Variants in MAP3K13 observed in about 807,000 individuals in gnomAD.
MAP3K13 encodes leucine zipper-bearing kinase.
Under a neutral mutation model 104.0 loss-of-function variants are expected in MAP3K13, and 52 were observed. That is an observed-to-expected ratio of 0.50 (90% CI 0.40 to 0.63). MAP3K13 has a LOEUF of 0.63. Among genes scored for constraint, MAP3K13 ranks in the 20% least tolerant of loss-of-function variants. The probability of loss-of-function intolerance (pLI) is 0.00; values close to 1 mark genes in which losing one functional copy is unlikely to be tolerated. For synonymous variants in MAP3K13, 394 were observed against 442.2 expected (o/e 0.89, Z 1.37); for missense variants, 914 against 1,218.5 (o/e 0.75, Z 3.72).
In MAP3K13 at chr3:185,453,965, A is replaced by G. The variant is rs568074913; in HGVS notation, c.1278+2570A>G. On this transcript the variant is annotated intron_variant, in intron 7 of 13. Transcript: ENST00000265026. ...TATGATACATATATATGAGATATATATGATACATATATATGAGATATATAT... is the reference window on the plus strand; with the variant it reads ...TATGATACATATATATGAGATATATGTGATACATATATATGAGATATATAT... 1.6e-3 allele frequency among the ~76,000 whole-genome samples: 31 copies of G among 19,896 alleles called. 1 individual carries two copies. Among genetic ancestry groups the G allele is most frequent in the African/African-American group, 2.9e-3 (28 of 9,800 alleles). The allele number at this position is 19,896 out of a possible 152,430, so 13.1% of individuals were successfully genotyped here.
chr3:185,437,162 G>A (rs1715085681), intron 2 of MAP3K13, among the ~76,000 whole-genome samples: 1 of 152,116 alleles, frequency 6.6e-6, no homozygotes. Flanking sequence ...CAAGCTTAAG[G>A]TGAGGAGGTA....
chr3:185,376,292 G>A (rs1448014603), intron 1 of MAP3K13, among the ~76,000 whole-genome samples: 1 of 152,198 alleles, frequency 6.6e-6, no homozygotes, highest in Non-Finnish European at 1.5e-5. Context: ...GAAAGTATAT[G>A]TGTCAGGTGT....
chr3:185,312,702 T>C (rs1205484847), intron 2 of MAP3K13, among the ~76,000 whole-genome samples: 1 of 152,198 alleles, frequency 6.6e-6, no homozygotes, highest in Non-Finnish European at 1.5e-5. Flanking sequence ...GATTACATAA[T>C]TATATGCAAA....
intron 2 of MAP3K13, among the ~76,000 whole-genome samples, chr3:185,344,032 A>G (rs1722821877): frequency 1.3e-5 from 2 of 152,230 alleles, no homozygotes; most frequent in Admixed American, 6.5e-5. Context: ...CTACCTTGCT[A>G]TAAGATATGC....
chr3:185,302,461 A>G (rs919321247), intron 2 of MAP3K13, among the ~76,000 whole-genome samples: 42 of 152,260 alleles, frequency 2.8e-4, no homozygotes, highest in African/African-American at 9.1e-4. Flanking sequence ...TCTTCACTCC[A>G]TGAGTATGGG....
intron 2 of MAP3K13, among the ~76,000 whole-genome samples, chr3:185,303,094 A>G (rs1721165144): frequency 6.6e-6 from 1 of 152,140 alleles, no homozygotes; most frequent in South Asian, 2.1e-4. Context: ...AGACGGTCAT[A>G]TGGTTTTTGG....
chr3:185,461,593 G>A (rs768696325), intron 7 of MAP3K13, among the ~76,000 whole-genome samples: 5 of 151,242 alleles, frequency 3.3e-5, no homozygotes, highest in South Asian at 2.1e-4. Flanking sequence ...ATGGAGTTTC[G>A]CTCTTGTTGC....
chr3:185,308,009 C>CTT (rs33949195), intron 2 of MAP3K13, among the ~76,000 whole-genome samples: 4,651 of 31,452 alleles, frequency 0.15, 466 homozygotes, highest in East Asian at 0.28. Flanking sequence ...TCTTTGGGGT[C>CTT]TTTTTTTTTT....
At chr3:185,342,825 G>T (rs916036054) in intron 2 of MAP3K13, among the ~76,000 whole-genome samples, 1 of 152,170 alleles carries the variant, frequency 6.6e-6, no homozygotes, top group African/African-American at 2.4e-5. Context: ...TACTGGGCAT[G>T]GCCTAGCTTT....
intron 12 of MAP3K13, among the ~76,000 whole-genome samples, chr3:185,479,380 G>A (rs984465596): frequency 6.6e-6 from 1 of 152,170 alleles, no homozygotes; most frequent in African/African-American, 2.4e-5. Flanking sequence ...TTTTCTCATG[G>A]TGTGGCCTTA....
intron 7 of MAP3K13, among the ~76,000 whole-genome samples, chr3:185,462,698 G>C (rs1717178907): frequency 6.6e-6 from 1 of 152,148 alleles, no homozygotes; most frequent in Non-Finnish European, 1.5e-5. Context: ...ACTTGAACCC[G>C]GGAGACAGAG....
At chr3:185,348,007 C>T (rs189826274) in intron 2 of MAP3K13, among the ~76,000 whole-genome samples, 2 of 122,666 alleles carry the variant, frequency 1.6e-5, no homozygotes, top group East Asian at 2.3e-4. Context: ...AGCAAAACTC[C>T]GTCTCAAAAA....
chr3:185,321,314 T>G (rs1721860210), intron 2 of MAP3K13, among the ~76,000 whole-genome samples: 1 of 152,212 alleles, frequency 6.6e-6, no homozygotes, highest in Non-Finnish European at 1.5e-5. Context: ...TGTGTGTGTA[T>G]AGTATTGATT....
chr3:185,455,167 A>ATG (rs1176695189), intron 7 of MAP3K13, among the ~76,000 whole-genome samples: 98 of 46,810 alleles, frequency 2.1e-3, no homozygotes, highest in Non-Finnish European at 3.4e-3. Flanking sequence ...TATGATATAT[A>ATG]TGAGATATAT....
Position 185,409,115 on chromosome 3 carries a change from C to T in MAP3K13, c.-85-19382C>T, listed in dbSNP as rs143842053. Among the ~76,000 whole-genome samples, 9 of 152,330 alleles carry T rather than the reference C, an allele frequency of 5.9e-5. No individual in the cohort carries two copies. In the East Asian group the frequency reaches 1.7e-3, roughly 29 times the overall value. On this transcript the variant is annotated intron_variant, in intron 1 of 13. Coordinates refer to ENST00000265026, the MANE Select transcript of MAP3K13 (RefSeq NM_004721.5). ...AGGCCTGGTGGCTCATGCCTGTCAT[C>T]CCAGCACTTTGGGAGGCCAAAGCAG...
chr3:185,292,667 G>C (rs1720785198), intron 2 of MAP3K13: 1 of 985,314 alleles, frequency 1.0e-6, no homozygotes, highest in Non-Finnish European at 1.2e-6. Context: ...CAGATTTTGG[G>C]CCTAGGAAGG....
At chr3:185,343,929 T>G (rs1722819062) in intron 2 of MAP3K13, among the ~76,000 whole-genome samples, 1 of 152,216 alleles carries the variant, frequency 6.6e-6, no homozygotes, top group African/African-American at 2.4e-5. Context: ...GGTGCTATTT[T>G]TAGGAGCCTA....
upstream of MAP3K13, chr3:185,362,990 GC>G: frequency 2.0e-6 from 1 of 498,418 alleles, no homozygotes; most frequent in Non-Finnish European, 2.5e-6. Flanking sequence ...CACTCAAGCT[GC>G]CAGTCTGTCT....
At chr3:185,344,347 A>G (rs1052991364) in intron 2 of MAP3K13, among the ~76,000 whole-genome samples, 5 of 152,288 alleles carry the variant, frequency 3.3e-5, no homozygotes, top group Admixed American at 3.3e-4. Context: ...CAAAGGAGAA[A>G]CCCAGCCAAT....
Sources: gnomAD v4.1 joint callset for allele counts (sites outside exome capture counted in the v4.1 genomes callset) on GRCh38, gnomAD v4.1.1 for gene constraint, MANE v1.5 for transcripts, NCBI Gene and HGNC (gene_info 2026-07-23, HGNC 2026-07-21) for gene names.